The following JKAMP variants were observed in gnomAD, a reference collection of about 807,000 sequenced individuals.
JKAMP encodes JNK1/MAPK8-associated membrane protein.
In JKAMP, 20 loss-of-function variants were observed where a neutral mutation model predicts 40.2. The observed-to-expected ratio is 0.50, with a 90% CI of 0.35 to 0.72. The LOEUF (loss-of-function observed/expected upper bound fraction) is 0.72, where lower values mean the gene tolerates loss of function less well. JKAMP is among the 30% of genes least tolerant of loss of function. JKAMP has a pLI of 0.01. For missense variants in JKAMP, 276 were observed against 373.0 expected (o/e 0.74, Z 2.14); for synonymous variants, 138 against 131.6 (o/e 1.05, Z -0.33).
At chr14:59,484,739 C>T in intron 1 of JKAMP, 146 bp downstream of exon 1, 1 of 1,087,926 alleles carries the variant, frequency 9.2e-7, no homozygotes, top group East Asian at 2.6e-5. Context: ...TCGGGCCGGG[C>T]TCCGCACTCC....
At chr14:59,499,051 A>C (rs1891667620) in intron 5 of JKAMP, 143 bp downstream of exon 5, 2 of 469,646 alleles carry the variant, frequency 4.3e-6, no homozygotes, top group Non-Finnish European at 6.8e-6. Context: ...TTGTGATGGA[A>C]TCTCACTCTA....
At chr14:59,502,221 T>G (rs1891936392) in intron 6 of JKAMP, among the ~76,000 whole-genome samples, 1 of 152,212 alleles carries the variant, frequency 6.6e-6, no homozygotes, top group African/African-American at 2.4e-5. Context: ...TTTAAATGAT[T>G]GCTTTTAAAT....
At position 59,484,559 on chromosome 14, in the gene JKAMP, G is replaced by A; in HGVS notation, c.-31G>A. ...TGCAGCTGCCAGATCCGCTGATCTA[G>A]TGCTTCTCGAAAAAAACCTTCAGGC... On this transcript the variant is annotated 5_prime_UTR_variant, in exon 1 of 7. It adds an upstream start codon to the 5' untranslated region. Transcript: ENST00000616435. The A allele has an allele frequency of 6.4e-7, 1 of 1,569,142 alleles. No individual in the cohort carries two copies. The highest frequency in any genetic ancestry group is 1.4e-5 in the African/African-American group (1 of 73,666).
intron 5 of JKAMP, 119 bp downstream of exon 5, chr14:59,499,027 T>C: frequency 1.9e-6 from 1 of 518,700 alleles, no homozygotes; most frequent in Non-Finnish European, 3.1e-6. Flanking sequence ...TTTTTTTTTT[T>C]TTTTTTTTTT....
At chr14:59,501,948 T>A (rs1320546638) in intron 6 of JKAMP, among the ~76,000 whole-genome samples, 1 of 152,192 alleles carries the variant, frequency 6.6e-6, no homozygotes, top group Non-Finnish European at 1.5e-5. Flanking sequence ...TTGTAGTCAC[T>A]GGGTAGAATA....
chr14:59,502,639 T>C (rs573593488), intron 6 of JKAMP, among the ~76,000 whole-genome samples: 1 of 152,270 alleles, frequency 6.6e-6, no homozygotes, highest in East Asian at 1.9e-4. Context: ...TTAACCAGCA[T>C]TGAAATATAA....
Position 59,498,958 on chromosome 14 carries a change from T to C in JKAMP, c.640+50T>C. On this transcript the variant is annotated intron_variant, in intron 5 of 6. Transcript: ENST00000616435. ...GAAATATATTTATTATTGTATGTAG[T>C]AATATTTCCTCTAGATTTAATTTTG... 4 of 995,106 alleles carry C rather than the reference T, an allele frequency of 4.0e-6. No homozygotes were observed. In the South Asian group the frequency reaches 9.0e-5, roughly 22 times the overall value. 61.6% of individuals were successfully genotyped at this position (995,106 alleles called of 1,614,324 possible). A position where few individuals can be genotyped will look rare whatever the true frequency, so the allele number is the denominator to read the frequency against.
At chr14:59,502,994 C>T (rs532821181) in intron 6 of JKAMP, among the ~76,000 whole-genome samples, 2 of 151,946 alleles carry the variant, frequency 1.3e-5, no homozygotes, top group African/African-American at 4.8e-5. Context: ...ATAACCCACC[C>T]ACCTCGGCCT....
chr14:59,495,679 A>G (rs1891389910), intron 4 of JKAMP, among the ~76,000 whole-genome samples: 2 of 152,218 alleles, frequency 1.3e-5, no homozygotes, highest in African/African-American at 2.4e-5. Flanking sequence ...GAACTAGAAA[A>G]TGAATCAAAT....
chr14:59,484,701 C>G lies in JKAMP; in HGVS notation c.4+108C>G, dbSNP rs1451030934. On this transcript the variant is annotated intron_variant, in intron 1 of 6. Transcript: ENST00000616435. ...TGTAGGCGGCCTTCGGTTGGCGGCG[C>G]AGGCTCGCCCCTTGACCCCGCCCGC... The G allele has an allele frequency of 2.2e-6, 3 of 1,367,406 alleles. No homozygotes were observed. The African/African-American group carries it at 4.3e-5, about 20-fold the overall frequency. 84.7% of individuals were successfully genotyped at this position (1,367,406 alleles called of 1,614,324 possible).
chr14:59,495,120 T>C lies in JKAMP; in HGVS notation c.354T>C (p.Arg118=), dbSNP rs1891344123. 1.2e-6 allele frequency: 2 copies of C among 1,613,482 alleles called. No individual in the cohort carries two copies. Among genetic ancestry groups the C allele is most frequent in the Non-Finnish European group, 1.7e-6 (2 of 1,179,424 alleles). The change falls in exon 4 of 7, where the codon CGT becomes CGC. Residue 118 remains arginine, a synonymous_variant. Coordinates refer to ENST00000616435, the MANE Select transcript of JKAMP (RefSeq NM_016475.5). The part of the protein sequence containing the change: ...VSDPVGVLYI[R]SCRVLMLSDW... ...ATCCAGTTGGTGTTCTTTATATTCG[T>C]TCATGTCGAGTATTGATGCTTTCTG... is the stretch of plus-strand genomic sequence containing the variant.
At chr14:59,493,805 G>A (rs1891213550) in intron 3 of JKAMP, among the ~76,000 whole-genome samples, 2 of 152,076 alleles carry the variant, frequency 1.3e-5, no homozygotes, top group Non-Finnish European at 2.9e-5. Context: ...AAATGTACAT[G>A]ACATCAAGGA....
intron 3 of JKAMP, among the ~76,000 whole-genome samples, chr14:59,493,203 CAG>C (rs1891166398): frequency 6.6e-6 from 1 of 152,112 alleles, no homozygotes; most frequent in Non-Finnish European, 1.5e-5. Context: ...GCAGAATAAA[CAG>C]AAATTCACAC....
chr14:59,492,356 T>C (rs1018830244), intron 3 of JKAMP, among the ~76,000 whole-genome samples: 3 of 151,478 alleles, frequency 2.0e-5, no homozygotes, highest in Non-Finnish European at 3.0e-5. Context: ...AAGAAGGAGA[T>C]GGAAAATCAG....
intron 5 of JKAMP, among the ~76,000 whole-genome samples, chr14:59,500,557 C>T (rs1442821231): frequency 6.6e-6 from 1 of 152,076 alleles, no homozygotes; most frequent in Non-Finnish European, 1.5e-5. Context: ...ATCTCTTTAT[C>T]CTTTAAGGTT....
intron 6 of JKAMP, among the ~76,000 whole-genome samples, chr14:59,503,261 C>A (rs73303697): frequency 1.3e-5 from 2 of 152,090 alleles, no homozygotes; most frequent in Admixed American, 6.5e-5. Context: ...TAGTAACTAA[C>A]CTGTTGCAAA....
At chr14:59,496,134 G>A (rs1891426671) in intron 4 of JKAMP, among the ~76,000 whole-genome samples, 1 of 152,136 alleles carries the variant, frequency 6.6e-6, no homozygotes, top group Non-Finnish European at 1.5e-5. Flanking sequence ...TTGAACTCCT[G>A]GCCTTAAGTG....
intron 6 of JKAMP, among the ~76,000 whole-genome samples, chr14:59,502,755 T>TGTTTTGTTTTGTTTTGTTTTTTGTTTTG (rs67189643): frequency 8.1e-6 from 1 of 122,918 alleles, no homozygotes; most frequent in African/African-American, 3.0e-5. Context: ...ATGAGATTTT[T>TGTTTTGTTTTGTTTTGTTTTTTGTTTTG]TTTTTTTTTT....
At chr14:59,485,315 G>T in intron 1 of JKAMP, 1 of 491,304 alleles carries the variant, frequency 2.0e-6, no homozygotes. Flanking sequence ...TATTAATTTA[G>T]AACATTGTGA....
Sources: allele counts gnomAD v4.1 joint callset (sites outside exome capture counted in the v4.1 genomes callset), GRCh38; gene constraint gnomAD v4.1.1; transcripts MANE v1.5; gene names NCBI Gene and HGNC (gene_info 2026-07-23, HGNC 2026-07-21).